KLRG2: variants seen among roughly 807,000 people sequenced by gnomAD.
KLRG2 encodes killer cell lectin like receptor G2.
In KLRG2, 39 loss-of-function variants were observed where a neutral mutation model predicts 35.4. The observed-to-expected ratio is 1.10, with a 90% CI of 0.85 to 1.44. The LOEUF is 1.44. Among genes scored for constraint, KLRG2 ranks in the 40% most tolerant of loss-of-function variants. KLRG2 has a pLI of 0.00. For synonymous variants in KLRG2, 283 were observed against 265.8 expected (o/e 1.06, Z -0.63); for missense variants, 632 against 570.9 (o/e 1.11, Z -1.09).
At chr7:139,439,813 T>C in the KLRG2 span, among the ~76,000 whole-genome samples, 1 of 152,168 alleles carries the variant, frequency 6.6e-6, no homozygotes. Flanking sequence ...TATCTCAGAC[T>C]GGGTGGCTTA....
chr7:139,432,554 C>G, the KLRG2 span, among the ~76,000 whole-genome samples: 12 of 150,190 alleles, frequency 8.0e-5, 1 homozygote, highest in African/African-American at 2.7e-4. Flanking sequence ...ACCCCCCCCC[C>G]CCAATATTTT....
At chr7:139,460,613 T>TGATC (rs1796552143) in intron 3 of KLRG2, among the ~76,000 whole-genome samples, 1 of 151,214 alleles carries the variant, frequency 6.6e-6, no homozygotes, top group Non-Finnish European at 1.5e-5. Flanking sequence ...CAGCAAGCCA[T>TGATC]GATCACAACA....
chr7:139,456,650 CCTCT>C (rs1445717096), intron 3 of KLRG2, among the ~76,000 whole-genome samples: 2 of 152,172 alleles, frequency 1.3e-5, no homozygotes, highest in South Asian at 4.1e-4. Flanking sequence ...CTGCACCCAG[CCTCT>C]CTTTTTTATT....
At chr7:139,477,370 T>C (rs1255168544) in intron 3 of KLRG2, among the ~76,000 whole-genome samples, 3 of 152,144 alleles carry the variant, frequency 2.0e-5, no homozygotes, top group African/African-American at 7.2e-5. Flanking sequence ...ATGTGGTGCA[T>C]ACACACAATG....
intron 3 of KLRG2, among the ~76,000 whole-genome samples, chr7:139,468,355 G>A (rs980484349): frequency 6.6e-5 from 10 of 152,140 alleles, no homozygotes; most frequent in Non-Finnish European, 1.0e-4. Context: ...CAGGTGTGGA[G>A]GGGCAACCCA....
chr7:139,479,380 C>CA (rs1289708694), intron 3 of KLRG2, among the ~76,000 whole-genome samples: 1 of 151,450 alleles, frequency 6.6e-6, no homozygotes, highest in Admixed American at 6.6e-5. Context: ...TGTGCCTGGC[C>CA]AAAAAAAAAT....
the KLRG2 span, among the ~76,000 whole-genome samples, chr7:139,427,549 A>C: frequency 6.6e-6 from 1 of 152,170 alleles, no homozygotes; most frequent in South Asian, 2.1e-4. Flanking sequence ...CTGTCTCTGG[A>C]TGCTGTTGGC....
chr7:139,475,970 A>G (rs1490148192), intron 3 of KLRG2, among the ~76,000 whole-genome samples: 2 of 151,980 alleles, frequency 1.3e-5, no homozygotes, highest in Non-Finnish European at 2.9e-5. Context: ...AAAAAAACAC[A>G]TTTGGTCACA....
chr7:139,447,211 TAAC>T, the KLRG2 span, among the ~76,000 whole-genome samples: 1 of 152,226 alleles, frequency 6.6e-6, no homozygotes, highest in Non-Finnish European at 1.5e-5. Flanking sequence ...ATGTGTCGCT[TAAC>T]AACAGGGAAA....
chr7:139,470,088 T>G (rs1796731131), intron 3 of KLRG2, among the ~76,000 whole-genome samples: 1 of 151,530 alleles, frequency 6.6e-6, no homozygotes, highest in South Asian at 2.1e-4. Flanking sequence ...GGACGGAGTC[T>G]CGCTCTGTTG....
At chr7:139,431,854 G>A in the KLRG2 span, among the ~76,000 whole-genome samples, 1 of 152,052 alleles carries the variant, frequency 6.6e-6, no homozygotes, top group Non-Finnish European at 1.5e-5. Flanking sequence ...ATTTACCTTG[G>A]TGAAAGAAAG....
the KLRG2 span, among the ~76,000 whole-genome samples, chr7:139,431,762 C>T: frequency 6.6e-6 from 1 of 152,070 alleles, no homozygotes; most frequent in Admixed American, 6.6e-5. Flanking sequence ...TGCAGACCAA[C>T]CTACTGTGTA....
At chr7:139,427,705 T>C in the KLRG2 span, among the ~76,000 whole-genome samples, 10 of 152,286 alleles carry the variant, frequency 6.6e-5, no homozygotes, top group African/African-American at 2.2e-4. Flanking sequence ...TCATCTTGTG[T>C]CTCTTAAGAG....
chr7:139,472,063 A>C (rs1207663599), intron 3 of KLRG2, among the ~76,000 whole-genome samples: 1 of 152,202 alleles, frequency 6.6e-6, no homozygotes, highest in Non-Finnish European at 1.5e-5. Context: ...TCTGCAATGC[A>C]TGGCAGGCAC....
intron 3 of KLRG2, among the ~76,000 whole-genome samples, chr7:139,459,957 G>A (rs1796540815): frequency 6.6e-6 from 1 of 152,132 alleles, no homozygotes; most frequent in Non-Finnish European, 1.5e-5. Flanking sequence ...TCACCATGTT[G>A]GCGAGGATGG....
At chr7:139,439,981 G>C in the KLRG2 span, among the ~76,000 whole-genome samples, 1 of 152,142 alleles carries the variant, frequency 6.6e-6, no homozygotes, top group African/African-American at 2.4e-5. Flanking sequence ...CCCTCTGATG[G>C]TGCCGAGGAA....
At chr7:139,480,107 C>T (rs772374893) in intron 2 of KLRG2, 39 bp downstream of exon 2, 52 of 1,322,092 alleles carry the variant, frequency 3.9e-5, no homozygotes, top group Non-Finnish European at 5.3e-5. Context: ...AGTAGTGGAG[C>T]GGCAGGGAGA....
intron 3 of KLRG2, among the ~76,000 whole-genome samples, chr7:139,466,675 T>C (rs555163008): frequency 1.4e-4 from 21 of 152,056 alleles, no homozygotes; most frequent in Admixed American, 1.1e-3. Flanking sequence ...TCTTTAACAA[T>C]TGCTAGCTTT....
the KLRG2 span, among the ~76,000 whole-genome samples, chr7:139,436,483 C>G: frequency 2.0e-5 from 3 of 152,144 alleles, no homozygotes; most frequent in Non-Finnish European, 4.4e-5. Flanking sequence ...GGACTAGTTT[C>G]TAGCTTGGAC....
Sources: gnomAD v4.1 joint callset for allele counts (sites outside exome capture counted in the v4.1 genomes callset) on GRCh38, gnomAD v4.1.1 for gene constraint, MANE v1.5 for transcripts, NCBI Gene and HGNC (gene_info 2026-07-23, HGNC 2026-07-21) for gene names.